CEP85L: variants seen among roughly 807,000 people sequenced by gnomAD.
CEP85L encodes the protein centrosomal protein of 85 kDa-like.
Under a neutral mutation model 100.3 loss-of-function variants are expected in CEP85L, and 60 were observed. The ratio of observed to expected loss-of-function variants is 0.60; its 90% CI spans 0.49 to 0.74. The LOEUF is 0.74. Ranked by LOEUF, CEP85L falls within the 30% of genes least tolerant of loss-of-function variation. The pLI is 0.00. For synonymous variants in CEP85L, 319 were observed against 322.7 expected, an observed-to-expected ratio of 0.99 and a Z score of 0.12; for missense variants, 973 against 936.2, an observed-to-expected ratio of 1.04 and a Z score of -0.51.
chr6:118,567,419 C>A (rs947595981), intron 2 of CEP85L, among the ~76,000 whole-genome samples: 1 of 151,808 alleles, frequency 6.6e-6, no homozygotes, highest in Non-Finnish European at 1.5e-5. Context: ...CAGGCCCTCA[C>A]ATCATACTCT....
intron 1 of CEP85L, among the ~76,000 whole-genome samples, chr6:118,642,823 G>A (rs916199140): frequency 7.3e-5 from 11 of 151,474 alleles, no homozygotes; most frequent in Admixed American, 1.3e-4. Context: ...CTTGGGAGGC[G>A]GAGGTTGCAG....
intron 2 of CEP85L, among the ~76,000 whole-genome samples, chr6:118,577,176 C>T (rs1286158192): frequency 1.3e-5 from 2 of 152,128 alleles, no homozygotes; most frequent in African/African-American, 4.8e-5. Context: ...TTTGGCATTC[C>T]TTGGGAGTCT....
intron 1 of CEP85L, among the ~76,000 whole-genome samples, chr6:118,639,860 T>C (rs1460079612): frequency 6.6e-6 from 1 of 152,176 alleles, no homozygotes; most frequent in Non-Finnish European, 1.5e-5. Context: ...TATCTTTGTG[T>C]TCAGAAAAAG....
At chr6:118,557,180 A>G (rs1778928469) in intron 3 of CEP85L, among the ~76,000 whole-genome samples, 1 of 152,216 alleles carries the variant, frequency 6.6e-6, no homozygotes, top group Admixed American at 6.5e-5. Flanking sequence ...ATTTGAATCT[A>G]TATTTTTGGT....
At chr6:118,470,703 A>G in intron 10 of CEP85L, 59 bp from the exon 11 acceptor site, 1 of 938,552 alleles carries the variant, frequency 1.1e-6, no homozygotes, top group Non-Finnish European at 1.6e-6. Flanking sequence ...AAAAATCTCA[A>G]ACAGAAAGAA....
intron 2 of CEP85L, among the ~76,000 whole-genome samples, chr6:118,581,785 G>A (rs1267132439): frequency 6.6e-6 from 1 of 151,910 alleles, no homozygotes; most frequent in Non-Finnish European, 1.5e-5. Flanking sequence ...TAAAGCACTG[G>A]GACTCCTTCA....
intron 1 of CEP85L, among the ~76,000 whole-genome samples, chr6:118,673,650 G>A (rs1049593645): frequency 6.6e-6 from 1 of 152,078 alleles, no homozygotes; most frequent in Admixed American, 6.6e-5. Flanking sequence ...AAGTAACTCT[G>A]GTAAATCTTG....
intron 1 of CEP85L, among the ~76,000 whole-genome samples, chr6:118,695,667 C>A (rs952549300): frequency 6.6e-6 from 1 of 152,192 alleles, no homozygotes; most frequent in Non-Finnish European, 1.5e-5. Flanking sequence ...TGCATTTTGT[C>A]TTATAGCTGT....
chr6:118,651,180 G>T lies in CEP85L; in HGVS notation c.73+17C>A, dbSNP rs946034463. On this transcript the variant is annotated intron_variant, in intron 1 of 12. Transcript: ENST00000368491. ...CCGTGACCCCCACCCCAGCCGGGGC[G>T]CTGTCCCGTTCCTTACCGGCAGGGA... The T allele has an allele frequency of 2.4e-5, 36 of 1,492,902 alleles. No homozygotes were observed. Among genetic ancestry groups the T allele is most frequent in the Non-Finnish European group, 3.1e-5 (35 of 1,128,346 alleles). The allele number at this position is 1,492,902 out of a possible 1,614,324, so 92.5% of individuals were successfully genotyped here.
At chr6:118,471,468 C>A (rs1168729936) in intron 10 of CEP85L, among the ~76,000 whole-genome samples, 1 of 151,916 alleles carries the variant, frequency 6.6e-6, no homozygotes, top group African/African-American at 2.4e-5. Context: ...TCTGACAATA[C>A]TTCAGTTTGC....
intron 2 of CEP85L, among the ~76,000 whole-genome samples, chr6:118,578,611 C>A (rs1328090602): frequency 6.6e-6 from 1 of 152,040 alleles, no homozygotes; most frequent in Non-Finnish European, 1.5e-5. Flanking sequence ...CGCCTGTAAT[C>A]CCAGCTACTC....
intron 3 of CEP85L, among the ~76,000 whole-genome samples, chr6:118,558,155 TG>T (rs1388833974): frequency 6.6e-6 from 1 of 152,134 alleles, no homozygotes; most frequent in Non-Finnish European, 1.5e-5. Flanking sequence ...TTCACCATGT[TG>T]GCCAGGCTGG....
intron 2 of CEP85L, among the ~76,000 whole-genome samples, chr6:118,613,544 G>GTC (rs537984851): frequency 1.6e-4 from 24 of 152,082 alleles, no homozygotes; most frequent in Middle Eastern, 3.4e-3. Context: ...ATCACCTGAG[G>GTC]TCAGGAGTTC....
chr6:118,663,757 A>G (rs1026981324), intron 1 of CEP85L, among the ~76,000 whole-genome samples: 1 of 152,200 alleles, frequency 6.6e-6, no homozygotes, highest in Non-Finnish European at 1.5e-5. Flanking sequence ...CAAGTCTCTT[A>G]TATAGAAGGG....
intron 2 of CEP85L, among the ~76,000 whole-genome samples, chr6:118,567,271 A>ATC (rs1583066323): frequency 1.4e-5 from 2 of 142,988 alleles, no homozygotes; most frequent in East Asian, 2.0e-4. Flanking sequence ...ATATATATAT[A>ATC]TATATATATA....
intron 5 of CEP85L, among the ~76,000 whole-genome samples, chr6:118,509,834 C>G (rs1198423503): frequency 6.6e-6 from 1 of 151,966 alleles, no homozygotes. Flanking sequence ...AATAAACATG[C>G]AAACAAGTTT....
rs75735195 is a variant in CEP85L at position 118,659,595 on chromosome 6, G to C, written c.-27-6787C>G. On this transcript the variant is annotated intron_variant, in intron 1 of 13. Coordinates refer to the CEP85L transcript ENST00000368488. ...TTCGGTAGGAGGCAGTAGTTATAGT[G>C]ACACTAAGGGAGATGGTAGATTGGG... Among the ~76,000 whole-genome samples, 749 of 152,326 alleles carry C rather than the reference G, an allele frequency of 4.9e-3. 13 individuals are homozygous for C. The highest frequency in any genetic ancestry group is 0.037 in the East Asian group (194 of 5,188).
At chr6:118,605,802 G>A (rs1458762215) in intron 2 of CEP85L, among the ~76,000 whole-genome samples, 2 of 152,144 alleles carry the variant, frequency 1.3e-5, no homozygotes, top group East Asian at 3.9e-4. Context: ...CACGAGGTCA[G>A]GAGATCGAGG....
At chr6:118,492,933 C>T (rs936766300) in intron 5 of CEP85L, among the ~76,000 whole-genome samples, 8 of 152,126 alleles carry the variant, frequency 5.3e-5, no homozygotes, top group African/African-American at 1.9e-4. Context: ...ACAGAAATAG[C>T]ATTTATCATG....
Sources: gnomAD v4.1 joint callset for allele counts (sites outside exome capture counted in the v4.1 genomes callset) on GRCh38, gnomAD v4.1.1 for gene constraint, MANE v1.5 for transcripts, NCBI Gene and HGNC (gene_info 2026-07-23, HGNC 2026-07-21) for gene names.